INPP4B: variants seen among roughly 807,000 people sequenced by gnomAD.
INPP4B encodes the protein inositol polyphosphate-4-phosphatase type II B, also known as inositol polyphosphate 4-phosphatase type II.
Under a neutral mutation model 122.5 loss-of-function variants are expected in INPP4B, and 55 were observed. That is an observed-to-expected ratio of 0.45 (90% CI 0.36 to 0.56). The LOEUF (loss-of-function observed/expected upper bound fraction) is 0.56. Ranked by LOEUF, INPP4B falls within the 20% of genes least tolerant of loss-of-function variation. The pLI, the probability that INPP4B is intolerant of heterozygous loss-of-function variation, is 0.00. For missense variants in INPP4B, 1,000 were observed against 1,097.7 expected, an observed-to-expected ratio of 0.91 and a Z score of 1.26; for synonymous variants, 403 against 388.7, an observed-to-expected ratio of 1.04 and a Z score of -0.43.
At chr4:142,299,170 G>A (rs5020269) in intron 9 of INPP4B, among the ~76,000 whole-genome samples, 1 of 79,570 alleles carries the variant, frequency 1.3e-5, no homozygotes, top group Non-Finnish European at 2.3e-5. Context: ...TTTTTTTTTT[G>A]GGGGGGAGAC....
At chr4:142,560,968 G>A (rs994815120) in intron 2 of INPP4B, among the ~76,000 whole-genome samples, 1 of 152,138 alleles carries the variant, frequency 6.6e-6, no homozygotes, top group Admixed American at 6.6e-5. Flanking sequence ...AATCTTGACT[G>A]TCATTTTGGT....
chr4:142,270,230 C>G (rs906477353), intron 10 of INPP4B, among the ~76,000 whole-genome samples: 5 of 152,176 alleles, frequency 3.3e-5, no homozygotes, highest in Non-Finnish European at 7.3e-5. Flanking sequence ...TAAATCTGCC[C>G]TCCTTCACGT....
chr4:142,597,090 T>C (rs572060183), intron 2 of INPP4B, among the ~76,000 whole-genome samples: 167 of 152,296 alleles, frequency 1.1e-3, no homozygotes, highest in African/African-American at 3.7e-3. Flanking sequence ...CACAGAGATA[T>C]AAGTGACATT....
intron 9 of INPP4B, among the ~76,000 whole-genome samples, chr4:142,292,955 C>A (rs1265575822): frequency 6.6e-6 from 1 of 151,688 alleles, no homozygotes; most frequent in South Asian, 2.1e-4. Context: ...ACTTTCTATG[C>A]AAGATGTAAA....
chr4:142,752,562 T>C (rs1769891747), intron 1 of INPP4B, among the ~76,000 whole-genome samples: 1 of 152,090 alleles, frequency 6.6e-6, no homozygotes, highest in African/African-American at 2.4e-5. Context: ...CTTTACTGTT[T>C]GATTTTAAGC....
At chr4:142,161,188 TTAA>T (rs1445518450) in intron 16 of INPP4B, among the ~76,000 whole-genome samples, 1 of 152,018 alleles carries the variant, frequency 6.6e-6, no homozygotes, top group Admixed American at 6.6e-5. Flanking sequence ...TCAGTAATGC[TTAA>T]TGTTAATGAG....
chr4:142,391,943 G>C (rs1453945130), intron 7 of INPP4B, among the ~76,000 whole-genome samples: 2 of 152,102 alleles, frequency 1.3e-5, no homozygotes, highest in Non-Finnish European at 1.5e-5. Context: ...CATGGAAGAG[G>C]GCTGATGTTA....
rs554031589 is a variant in INPP4B at position 142,600,094 on chromosome 4, A to C, written c.-191+125745T>G. Among the ~76,000 whole-genome samples the C allele has an allele frequency of 2.0e-5, 3 of 152,308 alleles. No individual in the cohort carries two copies. The East Asian group carries it at 5.8e-4, about 29-fold the overall frequency. On this transcript the variant is annotated intron_variant, in intron 2 of 25. Transcript: ENST00000262992. ...CAAAGAGAGAAGGGTTCAAAAAACT[A>C]TTCAACAACATAATAGAAGATAATT...
intron 2 of INPP4B, among the ~76,000 whole-genome samples, chr4:142,499,243 C>G (rs561633511): frequency 6.6e-6 from 1 of 152,172 alleles, no homozygotes; most frequent in Non-Finnish European, 1.5e-5. Context: ...GGGAACTGCT[C>G]TTGTTGTTCA....
intron 2 of INPP4B, among the ~76,000 whole-genome samples, chr4:142,625,665 G>A (rs549562387): frequency 3.3e-4 from 50 of 152,034 alleles, no homozygotes; most frequent in African/African-American, 9.4e-4. Flanking sequence ...AAAAGAGCCC[G>A]CATCACCAAG....
intron 17 of INPP4B, among the ~76,000 whole-genome samples, chr4:142,148,823 T>C (rs1009578816): frequency 6.6e-6 from 1 of 152,150 alleles, no homozygotes; most frequent in Non-Finnish European, 1.5e-5. Context: ...GTTACATATA[T>C]GGTAGGCAGA....
At chr4:142,306,779 G>A (rs1299027665) in intron 8 of INPP4B, among the ~76,000 whole-genome samples, 1 of 152,170 alleles carries the variant, frequency 6.6e-6, no homozygotes, top group Non-Finnish European at 1.5e-5. Context: ...GGAGGCTGAG[G>A]CAGGAGGACT....
At chr4:142,137,931 G>A (rs1291333567) in intron 18 of INPP4B, among the ~76,000 whole-genome samples, 1 of 152,126 alleles carries the variant, frequency 6.6e-6, no homozygotes, top group Non-Finnish European at 1.5e-5. Context: ...CTTATACACT[G>A]TTGGTGGGAC....
intron 8 of INPP4B, among the ~76,000 whole-genome samples, chr4:142,312,781 C>T (rs1438388982): frequency 6.6e-6 from 1 of 152,112 alleles, no homozygotes; most frequent in African/African-American, 2.4e-5. Flanking sequence ...GGCAATTATG[C>T]TATGGAGAGA....
intron 5 of INPP4B, among the ~76,000 whole-genome samples, chr4:142,409,947 T>C (rs112357498): frequency 1.3e-5 from 2 of 152,322 alleles, no homozygotes; most frequent in African/African-American, 4.8e-5. Flanking sequence ...CTCTTCAGGA[T>C]TTTTGTGAAA....
intron 1 of INPP4B, among the ~76,000 whole-genome samples, chr4:142,844,093 C>G (rs918851454): frequency 1.3e-5 from 2 of 152,100 alleles, no homozygotes; most frequent in African/African-American, 4.8e-5. Context: ...TGAAGTCATT[C>G]AATTTGCAGC....
chr4:142,744,148 AC>A (rs762676643), intron 1 of INPP4B, among the ~76,000 whole-genome samples: 46 of 152,002 alleles, frequency 3.0e-4, no homozygotes, highest in Non-Finnish European at 7.4e-5. Context: ...GCAAATAGAA[AC>A]TCTATAATGG....
chr4:142,322,923 T>C (rs1259500919), intron 7 of INPP4B, among the ~76,000 whole-genome samples: 1 of 152,184 alleles, frequency 6.6e-6, no homozygotes, highest in Non-Finnish European at 1.5e-5. Context: ...TTGATTCTAA[T>C]GTGAAGCCAA....
chr4:142,366,637 G>A (rs952749277), intron 7 of INPP4B, among the ~76,000 whole-genome samples: 88 of 152,132 alleles, frequency 5.8e-4, no homozygotes, highest in Non-Finnish European at 8.1e-4. Context: ...GGAGGATTCA[G>A]TGTGAATTTG....
Sources: gnomAD v4.1 joint callset for allele counts (sites outside exome capture counted in the v4.1 genomes callset) on GRCh38, gnomAD v4.1.1 for gene constraint, MANE v1.5 for transcripts, NCBI Gene and HGNC (gene_info 2026-07-23, HGNC 2026-07-21) for gene names.